The following MAP1A variants were observed in gnomAD, a reference collection of about 807,000 sequenced individuals.
The protein encoded by MAP1A is microtubule-associated protein 1A.
Under a neutral mutation model 185.9 loss-of-function variants are expected in MAP1A, and 42 were observed. That is an observed-to-expected ratio of 0.23 (90% CI 0.18 to 0.29). MAP1A has a LOEUF of 0.29. MAP1A is among the 10% of genes least tolerant of loss of function. The pLI is 1.00. For missense variants in MAP1A, 2,995 were observed against 3,450.4 expected, an observed-to-expected ratio of 0.87 and a Z score of 3.31; for synonymous variants, 1,229 against 1,335.9, an observed-to-expected ratio of 0.92 and a Z score of 1.74.
chr15:43,511,645 T>C (rs978948070), intron 1 of MAP1A, among the ~76,000 whole-genome samples: 4 of 152,144 alleles, frequency 2.6e-5, no homozygotes, highest in African/African-American at 9.7e-5. Context: ...ATCTCAAATC[T>C]CTGAATGCCA....
rs775208268 is a variant in MAP1A at position 43,525,579 on chromosome 15, A to T, written c.4106A>T (p.Gln1369Leu). The change falls in exon 4 of 6, where the codon CAG becomes CTG. Residue 1369 changes from glutamine to leucine, a missense_variant. Gln to Leu is a moderately radical substitution (Grantham distance 113). This residue lies in a region of MAP1A where 2,728 missense variants were observed against 2,986.0 expected (regional missense o/e 0.91). Transcript: ENST00000300231. ...GAGCCAAAGGATGAAGTTTTACAGCAGAAAGACAAAACTCTGGAGCACAAG... is the reference window on the plus strand; with the variant it reads ...GAGCCAAAGGATGAAGTTTTACAGCTGAAAGACAAAACTCTGGAGCACAAG... Reference protein sequence around the residue: ...EPEPKDEVLQQKDKTLEHKEV... With the variant: ...EPEPKDEVLQLKDKTLEHKEV... The T allele has an allele frequency of 2.0e-5, 33 of 1,614,136 alleles. No homozygotes were observed. Among genetic ancestry groups the T allele is most frequent in the Non-Finnish European group, 2.3e-5 (27 of 1,180,058 alleles).
Position 43,527,659 on chromosome 15 carries a change from T to C in MAP1A, c.6186T>C (p.Val2062=). The C allele has an allele frequency of 1.9e-6, 3 of 1,606,080 alleles. No homozygotes were observed. Among genetic ancestry groups the C allele is most frequent in the Non-Finnish European group, 2.5e-6 (3 of 1,177,028 alleles). The part of the protein sequence containing the change: ...SMEPSLTPPA[V]PPRAPILSKG... The stretch of plus-strand genomic sequence containing the variant: ...AGCCCAGCCTCACCCCACCTGCAGT[T>C]CCCCCCCGTGCTCCTATCCTGAGCA... Residue 2062 remains valine (V), a synonymous_variant, in exon 4 of 6, where the codon GTT becomes GTC. Transcript: ENST00000300231.
At position 43,525,185 on chromosome 15, in the gene MAP1A, G is replaced by C; in HGVS notation, c.3712G>C (p.Gly1238Arg). Residue 1238 changes from glycine to arginine, a missense_variant, in exon 4 of 6, where the codon GGG becomes CGG. Transcript: ENST00000300231. ...ACTAAACCTTGGGAAGGAAGAAATG[G>C]GGCATCTGATGCAGGCCGAGGATAC... Reference protein sequence around the residue: ...GELNLGKEEMGHLMQAEDTSH... With the variant: ...GELNLGKEEMRHLMQAEDTSH... The C allele has an allele frequency of 6.2e-7, 1 of 1,614,080 alleles. No homozygotes were observed. The highest frequency in any genetic ancestry group is 8.5e-7 in the Non-Finnish European group (1 of 1,180,030).
rs1440798640 is a variant in MAP1A, at chr15:43,525,275, G to A, written c.3802G>A (p.Asp1268Asn). ...PHAATASPPTDGTTRYSAQTD... is the reference protein window; with the variant it reads ...PHAATASPPTNGTTRYSAQTD... The stretch of plus-strand genomic sequence containing the variant: ...TGCAGCCACAGCGTCACCTCCCACA[G>A]ATGGGACAACTCGATACTCTGCACA... Residue 1268 changes from aspartate to asparagine, a missense_variant, in exon 4 of 6, where the codon GAT (aspartate) becomes AAT (asparagine). This residue lies in a region of MAP1A where 2,728 missense variants were observed against 2,986.0 expected (regional missense o/e 0.91). Coordinates refer to ENST00000300231, the MANE Select transcript of MAP1A (RefSeq NM_002373.6). The A allele has an allele frequency of 6.2e-7, 1 of 1,614,196 alleles. No individual in the cohort carries two copies. The highest frequency in any genetic ancestry group is 2.2e-5 in the East Asian group (1 of 44,882).
Position 43,529,474 on chromosome 15 carries a change from C to T in MAP1A, c.8001C>T (p.Ser2667=). ...AEEKDGHSPM[S]KGLVNGLKAG... Reference sequence around the variant, plus strand: ...AAAAGGATGGACACAGCCCCATGTCCAAAGGCCTAGTCAATGGACTCAAGG... The same window carrying T: ...AAAAGGATGGACACAGCCCCATGTCTAAAGGCCTAGTCAATGGACTCAAGG... The change falls in exon 4 of 6, where the codon TCC becomes TCT. Residue 2667 remains serine, a synonymous_variant. Coordinates refer to ENST00000300231, the MANE Select transcript of MAP1A (RefSeq NM_002373.6). This position sits in a 1 kb window ranked among gnomAD's most constrained non-coding sequence, Gnocchi z 4.3. 6.2e-7 allele frequency: 1 copy of T among 1,611,698 alleles called. No individual in the cohort carries two copies. Among genetic ancestry groups the T allele is most frequent in the South Asian group, 1.1e-5 (1 of 90,824 alleles).
Position 43,523,571 on chromosome 15 carries a change from G to A in MAP1A, c.2098G>A (p.Gly700Arg). The A allele has an allele frequency of 6.2e-7, 1 of 1,614,150 alleles. No homozygotes were observed. The highest frequency in any genetic ancestry group is 8.5e-7 in the Non-Finnish European group (1 of 1,180,028). The change falls in exon 4 of 6, where the codon GGG (glycine) becomes AGG (arginine). Residue 700 changes from glycine to arginine, a missense_variant. Physicochemically the swap from Gly to Arg is moderately radical, Grantham distance 125. Transcript: ENST00000300231. ...KVTPRSREAF[G>R]GRELGLQGKA... ...AACTCCAAGGAGCCGGGAGGCTTTT[G>A]GGGGTCGGGAATTGGGACTCCAGGG...
In MAP1A at chr15:43,527,468, T is replaced by C. The variant is rs756889238; in HGVS notation, c.5995T>C (p.Cys1999Arg). 8.7e-6 allele frequency: 14 copies of C among 1,614,098 alleles called. No individual in the cohort carries two copies. In the South Asian group the frequency reaches 1.3e-4, roughly 15 times the overall value. The change falls in exon 4 of 6, where the codon TGC becomes CGC. Residue 1999 changes from cysteine to arginine, a missense_variant. By Grantham distance (180) the Cys-to-Arg change is radical. This residue lies in a region of MAP1A where 2,728 missense variants were observed against 2,986.0 expected (regional missense o/e 0.91). Coordinates refer to ENST00000300231, the MANE Select transcript of MAP1A (RefSeq NM_002373.6). ...TGGAGCAGCTGGGGATTGGCCCCCA[T>C]GCCTCTCAACCAAGGAGGCAGCTGC... ...PLGAAGDWPP[C>R]LSTKEAAAGR...
chr15:43,522,949 C>T lies in MAP1A; in HGVS notation c.1476C>T (p.Ile492=), dbSNP rs767504908. The T allele has an allele frequency of 6.8e-6, 11 of 1,613,974 alleles. No homozygotes were observed. The highest frequency in any genetic ancestry group is 1.7e-5 in the Admixed American group (1 of 59,992). The change falls in exon 4 of 6, where the codon ATC becomes ATT. Residue 492 remains isoleucine (I), a synonymous_variant. Transcript: ENST00000300231. The surrounding 1 kb of genome is among the most constrained non-coding windows in gnomAD (Gnocchi z 5.9). ...TCAAAATAGACAGGAGCCGTGCTAT[C>T]CGTGGGGAGAAGGAGCTGTCTTCTG... The part of the protein sequence containing the change: ...GRVKIDRSRA[I]RGEKELSSEP...
intron 1 of MAP1A, among the ~76,000 whole-genome samples, chr15:43,517,990 C>T (rs1035328061): frequency 6.6e-6 from 1 of 152,140 alleles, no homozygotes; most frequent in African/African-American, 2.4e-5. Context: ...CTGGCTCTGC[C>T]TGACAGCCCA....
At chr15:43,515,412 A>G (rs1855760933), upstream of MAP1A, among the ~76,000 whole-genome samples, 1 of 152,224 alleles carries the variant, frequency 6.6e-6, no homozygotes, top group African/African-American at 2.4e-5. Context: ...AAGGACATGA[A>G]TAGGACTTCA....
At chr15:43,519,448 AAG>A (rs1460528108) in intron 1 of MAP1A, among the ~76,000 whole-genome samples, 1 of 152,174 alleles carries the variant, frequency 6.6e-6, no homozygotes, top group Non-Finnish European at 1.5e-5. Flanking sequence ...CACCAGAAAG[AAG>A]AGAGAGCTGG....
Position 43,525,192 on chromosome 15 carries a change from T to G in MAP1A, c.3719T>G (p.Leu1240Arg). 1 of 1,614,154 alleles carries G rather than the reference T, an allele frequency of 6.2e-7. No homozygotes were observed. Among genetic ancestry groups the G allele is most frequent in the South Asian group, 1.1e-5 (1 of 91,086 alleles). Residue 1240 changes from leucine (L) to arginine (R), a missense_variant, in exon 4 of 6, where the codon CTG becomes CGG. Physicochemically the swap from Leu to Arg is moderately radical, Grantham distance 102 (BLOSUM62 -2). Around this residue, in one of 3 missense-constraint regions of MAP1A, gnomAD observed 2,728 missense variants for 2,986.0 expected, o/e 0.91. Transcript: ENST00000300231. ...CTTGGGAAGGAAGAAATGGGGCATC[T>G]GATGCAGGCCGAGGATACCTCTCAC... ...LNLGKEEMGH[L>R]MQAEDTSHHT...
At position 43,522,584 on chromosome 15, in the gene MAP1A, C is replaced by G; in HGVS notation, c.1111C>G (p.Pro371Ala). The change falls in exon 4 of 6, where the codon CCA becomes GCA. Residue 371 changes from proline to alanine, a missense_variant. Transcript: ENST00000300231. The surrounding 1 kb of genome is among the most constrained non-coding windows in gnomAD (Gnocchi z 5.9). ...KKAKESSEKP[P>A]EKPAKPERVK... Reference sequence around the variant, plus strand: ...GGCAAAAGAGTCATCTGAGAAGCCCCCAGAGAAGCCTGCCAAGCCTGAGAG... The same window carrying G: ...GGCAAAAGAGTCATCTGAGAAGCCCGCAGAGAAGCCTGCCAAGCCTGAGAG... 6.2e-7 allele frequency: 1 copy of G among 1,611,622 alleles called. No homozygotes were observed. The highest frequency in any genetic ancestry group is 8.5e-7 in the Non-Finnish European group (1 of 1,178,822).
At chr15:43,517,775 G>C (rs1476498614) in intron 1 of MAP1A, 75 bp downstream of exon 1, 4 of 417,268 alleles carry the variant, frequency 9.6e-6, no homozygotes, top group Admixed American at 6.4e-5. Flanking sequence ...TCATGGAAAG[G>C]GTGCTGGTAC....
chr15:43,523,937 G>A lies in MAP1A; in HGVS notation c.2464G>A (p.Glu822Lys), dbSNP rs1403122156. ...PTNIVAAPLA[E>K]EEHVSSATSI... ...TAACATAGTGGCTGCCCCTTTGGCT[G>A]AAGAGGAACATGTGTCCTCGGCCAC... The change falls in exon 4 of 6, where the codon GAA becomes AAA. Residue 822 changes from glutamate (E) to lysine (K), a missense_variant. Transcript: ENST00000300231. 1 of 1,614,170 alleles carries A rather than the reference G, an allele frequency of 6.2e-7. No homozygotes were observed. The highest frequency in any genetic ancestry group is 8.5e-7 in the Non-Finnish European group (1 of 1,180,034).
At chr15:43,515,660 T>A (rs1031201513), upstream of MAP1A, among the ~76,000 whole-genome samples, 1 of 152,232 alleles carries the variant, frequency 6.6e-6, no homozygotes, top group Admixed American at 6.5e-5. Context: ...CACAGCATTA[T>A]CGGAGGATGG....
At position 43,525,692 on chromosome 15, in the gene MAP1A, G is replaced by C. The variant is rs1349781916; in HGVS notation, c.4219G>C (p.Ala1407Pro). 3 of 1,614,150 alleles carry C rather than the reference G, an allele frequency of 1.9e-6. No homozygotes were observed. The highest frequency in any genetic ancestry group is 2.5e-6 in the Non-Finnish European group (3 of 1,180,034). Residue 1407 changes from alanine (A) to proline (P), a missense_variant, in exon 4 of 6, where the codon GCT becomes CCT. Physicochemically the swap from Ala to Pro is conservative, Grantham distance 27 (BLOSUM62 -1). Transcript: ENST00000300231. The stretch of plus-strand genomic sequence containing the variant: ...TGAGGCTGTGAAACAGCAGGATAAG[G>C]CTTTAGAACAAAAGGGCAGAGACTT... ...KNEAVKQQDK[A>P]LEQKGRDLEQ...
Position 43,521,586 on chromosome 15 carries a change from C to T in MAP1A, c.113C>T (p.Pro38Leu), listed in dbSNP as rs769299649. 1 of 1,614,174 alleles carries T rather than the reference C, an allele frequency of 6.2e-7. No homozygotes were observed. The highest frequency in any genetic ancestry group is 1.1e-5 in the South Asian group (1 of 91,086). ...GGGGGCTTCCTCAAGCTCTCCAAGC[C>T]TTGTTGCTACATCTTCCCAGGTGGT... is the stretch of plus-strand genomic sequence containing the variant. ...TSGGFLKLSKPCCYIFPGGRG... is the reference protein window; with the variant it reads ...TSGGFLKLSKLCCYIFPGGRG... The change falls in exon 4 of 6, where the codon CCT (proline) becomes CTT (leucine). Residue 38 changes from proline to leucine, a missense_variant. Physicochemically the swap from Pro to Leu is moderately conservative, Grantham distance 98. Coordinates refer to ENST00000300231, the MANE Select transcript of MAP1A (RefSeq NM_002373.6). This position sits in a 1 kb window ranked among gnomAD's most constrained non-coding sequence, Gnocchi z 4.6.
rs746628307 is a variant in MAP1A, at chr15:43,528,111, G to A, written c.6638G>A (p.Arg2213Gln). 1.1e-5 allele frequency: 18 copies of A among 1,613,792 alleles called. No homozygotes were observed. Among genetic ancestry groups the A allele is most frequent in the South Asian group, 5.5e-5 (5 of 91,074 alleles). Residue 2213 changes from arginine (R) to glutamine (Q), a missense_variant, in exon 4 of 6, where the codon CGG becomes CAG. Arg to Gln is a conservative substitution (Grantham distance 43). Transcript: ENST00000300231. ...ALAPGPPTRTRHDEYLEVTKA... is the reference protein window; with the variant it reads ...ALAPGPPTRTQHDEYLEVTKA... ...GCTCCAGGACCCCCCACCAGAACCCGGCATGATGAATACCTGGAAGTGACC... is the reference window on the plus strand; with the variant it reads ...GCTCCAGGACCCCCCACCAGAACCCAGCATGATGAATACCTGGAAGTGACC...
Sources: gnomAD v4.1 joint callset for allele counts (sites outside exome capture counted in the v4.1 genomes callset) on GRCh38, gnomAD v4.1.1 for gene constraint, gnomAD v4.1.1 regional missense constraint, Gnocchi (gnomAD v3.1) non-coding constraint, MANE v1.5 for transcripts, NCBI Gene and HGNC (gene_info 2026-07-23, HGNC 2026-07-21) for gene names.